LIPC: variants seen among roughly 807,000 people sequenced by gnomAD.
The protein encoded by LIPC is hepatic triacylglycerol lipase.
In LIPC, 44 loss-of-function variants were observed where a neutral mutation model predicts 50.7. The ratio of observed to expected loss-of-function variants is 0.87; its 90% CI spans 0.68 to 1.11. The LOEUF is 1.11. LIPC is among the 50% of genes most tolerant of loss of function. The pLI is 0.00. For missense variants in LIPC, 697 were observed against 648.2 expected, an observed-to-expected ratio of 1.08 and a Z score of -0.82; for synonymous variants, 271 against 256.4, an observed-to-expected ratio of 1.06 and a Z score of -0.54.
chr15:58,525,179 C>A (rs1000240614), intron 1 of LIPC, among the ~76,000 whole-genome samples: 4 of 152,106 alleles, frequency 2.6e-5, no homozygotes, highest in Admixed American at 2.0e-4. Flanking sequence ...CCATCTTTAC[C>A]CCAGCACTTT....
chr15:58,435,050 T>C (rs1893247535), intron 1 of LIPC: 1 of 152,214 alleles, frequency 6.6e-6, no homozygotes, highest in South Asian at 2.1e-4. Context: ...TATCAATATT[T>C]CCTTCATTAG....
At position 58,548,415 on chromosome 15, in the gene LIPC, G is replaced by A. The variant is rs749244987; in HGVS notation, c.894G>A (p.Met298Ile). 4 of 1,614,130 alleles carry A rather than the reference G, an allele frequency of 2.5e-6. No individual in the cohort carries two copies. The highest frequency in any genetic ancestry group is 3.4e-6 in the Non-Finnish European group (4 of 1,180,022). The change falls in exon 6 of 9, where the codon ATG becomes ATA. Residue 298 changes from methionine (M) to isoleucine (I), a missense_variant. By Grantham distance (10) the Met-to-Ile change is conservative. Transcript: ENST00000299022. ...TGCTGCACGCCGGCACGCAGAGCAT[G>A]GCCTACCCGTGTGGTGACATGAACA... is the stretch of plus-strand genomic sequence containing the variant. Reference protein sequence around the residue: ...DSLLHAGTQSMAYPCGDMNSF... With the variant: ...DSLLHAGTQSIAYPCGDMNSF...
intron 1 of LIPC, among the ~76,000 whole-genome samples, chr15:58,453,676 G>T (rs1893996885): frequency 6.6e-6 from 1 of 151,930 alleles, no homozygotes; most frequent in Non-Finnish European, 1.5e-5. Context: ...CGAGGCAGGT[G>T]GATTGCTTGA....
intron 3 of LIPC, among the ~76,000 whole-genome samples, 156 bp from the exon 4 acceptor site, chr15:58,542,378 G>C (rs1328848020): frequency 1.3e-5 from 2 of 152,166 alleles, no homozygotes; most frequent in Non-Finnish European, 2.9e-5. Context: ...AGGAGAGTCA[G>C]CCAGTTGAGA....
intron 1 of LIPC, among the ~76,000 whole-genome samples, chr15:58,468,300 A>C (rs894408538): frequency 6.6e-6 from 1 of 152,140 alleles, no homozygotes; most frequent in Non-Finnish European, 1.5e-5. Flanking sequence ...GTGAACACCT[A>C]TGTCCATGAC....
rs1236905985 is a variant in LIPC, at chr15:58,545,760, CTT to C, written c.595_596del (p.Leu199ValfsTer2). ...CCATTAGGGCTGGATGCCGCGGGAC[CTT>C]TGTTTGAGGGAAGTGCCCCCAGCAA... is the stretch of plus-strand genomic sequence containing the variant. On this transcript the variant is annotated frameshift_variant, in exon 5 of 9. Coordinates refer to ENST00000299022, the MANE Select transcript of LIPC (RefSeq NM_000236.3). LOFTEE classifies it high-confidence loss of function. 1.2e-6 allele frequency: 2 copies of C among 1,614,082 alleles called. No homozygotes were observed. Among genetic ancestry groups the C allele is most frequent in the Admixed American group, 3.3e-5 (2 of 60,010 alleles).
intron 1 of LIPC, among the ~76,000 whole-genome samples, chr15:58,457,205 G>T (rs1487819703): frequency 1.3e-5 from 2 of 152,222 alleles, no homozygotes; most frequent in South Asian, 4.1e-4. Flanking sequence ...CACCTCCCGG[G>T]TTCAAGCATT....
intron 1 of LIPC, among the ~76,000 whole-genome samples, chr15:58,496,268 A>G (rs1296216030): frequency 2.0e-5 from 3 of 152,210 alleles, no homozygotes; most frequent in African/African-American, 7.2e-5. Context: ...AATGCACCAG[A>G]CAGCCTTCAC....
At chr15:58,477,236 G>C (rs1388965771) in intron 1 of LIPC, among the ~76,000 whole-genome samples, 3 of 152,214 alleles carry the variant, frequency 2.0e-5, no homozygotes, top group Non-Finnish European at 4.4e-5. Flanking sequence ...CCTTGATTTT[G>C]TCTGCCAAGA....
At chr15:58,554,759 G>A (rs1260038532) in intron 6 of LIPC, among the ~76,000 whole-genome samples, 1 of 152,116 alleles carries the variant, frequency 6.6e-6, no homozygotes, top group African/African-American at 2.4e-5. Flanking sequence ...GAAGAAGGAG[G>A]AGGAGGAGGA....
rs1318446998 is a variant in LIPC, at chr15:58,531,629, A to AAAAAC, written c.89-6700_89-6699insCAAAA. ...TAGTATGGAGCCAAAATGGACTCAA[A>AAAAAC]AAAAAAAAAAAAAAACCCCAGAATA... On this transcript the variant is annotated intron_variant, in intron 1 of 8. Coordinates refer to ENST00000299022, the MANE Select transcript of LIPC (RefSeq NM_000236.3). 8.0e-5 allele frequency among the ~76,000 whole-genome samples: 12 copies of AAAAAC among 150,612 alleles called. No individual in the cohort carries two copies. The South Asian group carries it at 1.5e-3, about 18-fold the overall frequency.
At chr15:58,435,344 G>A (rs1407558283) in intron 1 of LIPC, 4 of 152,186 alleles carry the variant, frequency 2.6e-5, no homozygotes, top group African/African-American at 7.2e-5. Context: ...TCCCATAGAG[G>A]AAAAGGGAGG....
At position 58,541,955 on chromosome 15, in the gene LIPC, C is replaced by T. The variant is rs369832415; in HGVS notation, c.444C>T (p.Leu148=). ...RLVGKEVAAL[L]RWLEESVQLS... ...TGGGCAAGGAGGTCGCGGCTCTTCT[C>T]CGGTGGCTGGAGGTACCGACCTGCC... is the stretch of plus-strand genomic sequence containing the variant. The change falls in exon 3 of 9, where the codon CTC becomes CTT. Residue 148 remains leucine (L), a synonymous_variant. Coordinates refer to ENST00000299022, the MANE Select transcript of LIPC (RefSeq NM_000236.3). 1 of 1,609,560 alleles carries T rather than the reference C, an allele frequency of 6.2e-7. No individual in the cohort carries two copies. The highest frequency in any genetic ancestry group is 1.3e-5 in the African/African-American group (1 of 74,944).
intron 1 of LIPC, among the ~76,000 whole-genome samples, chr15:58,493,837 A>T (rs1891674344): frequency 6.6e-6 from 1 of 151,964 alleles, no homozygotes. Context: ...CTTAAGCATG[A>T]ACAACTCCCA....
intron 1 of LIPC, among the ~76,000 whole-genome samples, chr15:58,473,026 G>A (rs894186925): frequency 2.0e-5 from 3 of 152,214 alleles, no homozygotes; most frequent in East Asian, 3.9e-4. Flanking sequence ...AGCACTGGCA[G>A]AGGGGAGCTG....
intron 4 of LIPC, among the ~76,000 whole-genome samples, chr15:58,544,271 C>T (rs536164209): frequency 4.6e-5 from 7 of 152,246 alleles, no homozygotes; most frequent in South Asian, 4.1e-4. Context: ...TCACATTAGG[C>T]GTATCAGCTG....
intron 8 of LIPC, among the ~76,000 whole-genome samples, chr15:58,567,297 A>ATG (rs1894408108): frequency 4.4e-5 from 1 of 22,626 alleles, no homozygotes; most frequent in Non-Finnish European, 1.1e-4. Flanking sequence ...ATATATACAT[A>ATG]TATATATACA....
At chr15:58,509,913 AT>A (rs1167104009) in intron 1 of LIPC, among the ~76,000 whole-genome samples, 2 of 152,174 alleles carry the variant, frequency 1.3e-5, no homozygotes, top group Non-Finnish European at 2.9e-5. Context: ...CAATTAAAAA[AT>A]TTTATAAGAA....
rs867366446 is a variant in LIPC, at chr15:58,489,224, G to A, written c.89-49109G>A. ...TAGGGATTCATTTTGTTGCGGGGGC[G>A]GGGGGGCGGCTTACAAGCTTCCCAG... On this transcript the variant is annotated intron_variant, in intron 1 of 8. Coordinates refer to ENST00000299022, the MANE Select transcript of LIPC (RefSeq NM_000236.3). 3.6e-4 allele frequency among the ~76,000 whole-genome samples: 33 copies of A among 91,232 alleles called. 6 individuals are homozygous for A. The highest frequency in any genetic ancestry group is 6.9e-4 in the South Asian group (2 of 2,914). 59.9% of individuals were successfully genotyped at this position (91,232 alleles called of 152,430 possible). A position where few individuals can be genotyped will look rare whatever the true frequency, so the allele number is the denominator to read the frequency against.
Sources: allele counts gnomAD v4.1 joint callset (sites outside exome capture counted in the v4.1 genomes callset), GRCh38; gene constraint gnomAD v4.1.1; transcripts MANE v1.5; gene names NCBI Gene and HGNC (gene_info 2026-07-23, HGNC 2026-07-21).